The following FHIT variants were observed in gnomAD, a reference collection of about 807,000 sequenced individuals.
FHIT encodes bis(5'-adenosyl)-triphosphatase.
In FHIT, 19 loss-of-function variants were observed where a neutral mutation model predicts 17.9. That is an observed-to-expected ratio of 1.06 (90% CI 0.74 to 1.56). FHIT has a LOEUF of 1.56. Among genes scored for constraint, FHIT ranks in the 40% most tolerant of loss-of-function variants. The pLI is 0.00. For synonymous variants in FHIT, 81 were observed against 69.7 expected, an observed-to-expected ratio of 1.16 and a Z score of -0.81; for missense variants, 248 against 189.2, an observed-to-expected ratio of 1.31 and a Z score of -1.82.
At chr3:60,035,652 C>G (rs1369729728) in intron 5 of FHIT, among the ~76,000 whole-genome samples, 1 of 152,208 alleles carries the variant, frequency 6.6e-6, no homozygotes, top group African/African-American at 2.4e-5. Context: ...AGCCACACCT[C>G]AACAGATTAT....
chr3:59,752,731 CCCTCCACTCTCTCTT>C (rs1484971418), intron 8 of FHIT, among the ~76,000 whole-genome samples: 1 of 152,054 alleles, frequency 6.6e-6, no homozygotes, highest in African/African-American at 2.4e-5. Context: ...TGTAGCACCT[CCCTCCACTCTCTCTT>C]CCTCCTGCTC....
intron 2 of FHIT, among the ~76,000 whole-genome samples, chr3:61,140,640 C>T (rs1377633139): frequency 6.6e-6 from 1 of 152,120 alleles, no homozygotes; most frequent in African/African-American, 2.4e-5. Context: ...ACAATCAAAG[C>T]CCGAAGCTCT....
chr3:61,053,872 C>G (rs2034118720), intron 2 of FHIT, among the ~76,000 whole-genome samples: 1 of 152,110 alleles, frequency 6.6e-6, no homozygotes, highest in Non-Finnish European at 1.5e-5. Context: ...CTAAAGGAAA[C>G]AATTAGAAAC....
intron 1 of FHIT, among the ~76,000 whole-genome samples, chr3:61,214,842 G>T (rs1464228128): frequency 5.3e-5 from 8 of 152,186 alleles, no homozygotes; most frequent in African/African-American, 9.7e-5. Flanking sequence ...GGGATGCAAG[G>T]CTGGTCCAAT....
At chr3:60,624,531 G>C (rs565909431) in intron 4 of FHIT, among the ~76,000 whole-genome samples, 2 of 152,280 alleles carry the variant, frequency 1.3e-5, no homozygotes, top group East Asian at 3.9e-4. Context: ...AATGAAGAGA[G>C]AGGACTGCTT....
intron 5 of FHIT, among the ~76,000 whole-genome samples, chr3:60,480,806 G>T (rs138519634): frequency 2.0e-5 from 3 of 152,276 alleles, no homozygotes; most frequent in East Asian, 3.9e-4. Context: ...ACTCCCCAAC[G>T]GCTGCTTTCA....
chr3:61,225,356 G>A (rs1031243876), intron 1 of FHIT, among the ~76,000 whole-genome samples: 8 of 152,118 alleles, frequency 5.3e-5, no homozygotes, highest in Non-Finnish European at 7.4e-5. Context: ...TGAAAGTTGG[G>A]AAGAAAAATG....
At chr3:59,840,672 C>G (rs1177469502) in intron 8 of FHIT, among the ~76,000 whole-genome samples, 2 of 152,094 alleles carry the variant, frequency 1.3e-5, no homozygotes, top group South Asian at 2.1e-4. Flanking sequence ...ATGCTGCAGT[C>G]TTTTGCGTGG....
intron 8 of FHIT, among the ~76,000 whole-genome samples, chr3:59,855,852 C>T (rs1224758984): frequency 6.6e-6 from 1 of 151,020 alleles, no homozygotes; most frequent in East Asian, 1.9e-4. Flanking sequence ...ACTAACTTGG[C>T]TCACTGCAAG....
rs538910778 is a variant in FHIT at position 60,023,681 on chromosome 3, G to C, written c.104-9529C>G. On this transcript the variant is annotated intron_variant, in intron 5 of 9. Coordinates refer to ENST00000492590, the MANE Select transcript of FHIT (RefSeq NM_002012.4). ...GGAAATGAGAGAAAGGGAGAGAGGA[G>C]ATTAAAGGTAGGGGTGGTATTTAGC... 5.3e-5 allele frequency among the ~76,000 whole-genome samples: 8 copies of C among 152,250 alleles called. No homozygotes were observed. The South Asian group carries it at 8.3e-4, about 16-fold the overall frequency.
At chr3:59,796,050 C>A (rs78857623) in intron 8 of FHIT, among the ~76,000 whole-genome samples, 4,422 of 152,246 alleles carry the variant, frequency 0.029, 105 homozygotes, top group Non-Finnish European at 0.047. Context: ...ACAGGGAATG[C>A]CACCTTCTGA....
intron 8 of FHIT, among the ~76,000 whole-genome samples, chr3:59,874,803 A>G (rs899073005): frequency 2.0e-5 from 3 of 152,030 alleles, no homozygotes; most frequent in African/African-American, 7.2e-5. Context: ...TTTCCCCTTT[A>G]GAGCCACAAG....
At chr3:60,862,585 C>G (rs1185942137) in intron 3 of FHIT, among the ~76,000 whole-genome samples, 2 of 152,034 alleles carry the variant, frequency 1.3e-5, no homozygotes, top group Non-Finnish European at 2.9e-5. Context: ...CATGGTGGCT[C>G]ACGCCTGTAA....
intron 5 of FHIT, among the ~76,000 whole-genome samples, chr3:60,492,336 G>T (rs2034101855): frequency 6.6e-6 from 1 of 152,108 alleles, no homozygotes; most frequent in African/African-American, 2.4e-5. Context: ...TCACATTTGA[G>T]CATTAGAATT....
intron 8 of FHIT, among the ~76,000 whole-genome samples, chr3:59,880,982 C>T (rs1411145481): frequency 2.6e-5 from 4 of 152,078 alleles, no homozygotes; most frequent in African/African-American, 9.7e-5. Flanking sequence ...AATAGCAGTG[C>T]TATTGTTCCT....
chr3:60,517,483 A>C (rs2035203770), intron 5 of FHIT, among the ~76,000 whole-genome samples: 3 of 152,294 alleles, frequency 2.0e-5, no homozygotes, highest in South Asian at 4.1e-4. Flanking sequence ...CTAAAACTAC[A>C]GGCGGCTGAC....
chr3:59,968,186 A>C (rs1678040206), intron 7 of FHIT, among the ~76,000 whole-genome samples: 1 of 152,126 alleles, frequency 6.6e-6, no homozygotes, highest in African/African-American at 2.4e-5. Flanking sequence ...AACTTTCTTT[A>C]GGCTGTACCC....
At chr3:60,024,608 G>A (rs1700669793) in intron 5 of FHIT, among the ~76,000 whole-genome samples, 1 of 152,192 alleles carries the variant, frequency 6.6e-6, no homozygotes, top group South Asian at 2.1e-4. Context: ...TTCCAAAGAT[G>A]TGAAATCTAG....
chr3:61,142,121 A>T (rs75153282), intron 2 of FHIT, among the ~76,000 whole-genome samples: 21,001 of 124,554 alleles, frequency 0.17, 2,232 homozygotes, highest in East Asian at 0.43. Context: ...TCTTAAAAAA[A>T]ATTTTTTTTT....
Sources: allele counts gnomAD v4.1 joint callset (sites outside exome capture counted in the v4.1 genomes callset), GRCh38; gene constraint gnomAD v4.1.1; transcripts MANE v1.5; gene names NCBI Gene and HGNC (gene_info 2026-07-23, HGNC 2026-07-21).